RIMKLB: variants seen among roughly 807,000 people sequenced by gnomAD.
The protein encoded by RIMKLB is ribosomal modification protein rimK like family member B, also known as beta-citrylglutamate synthase B.
A neutral mutation model predicts 32.0 loss-of-function variants in RIMKLB; 7 were observed. The ratio of observed to expected loss-of-function variants is 0.22; its 90% CI spans 0.12 to 0.41. RIMKLB has a LOEUF of 0.41. Among genes scored for constraint, RIMKLB ranks in the 10% least tolerant of loss-of-function variants. The pLI, the probability that RIMKLB is intolerant of heterozygous loss-of-function variation, is 1.00. For synonymous variants in RIMKLB, 172 were observed against 185.1 expected (o/e 0.93, Z 0.57); for missense variants, 289 against 498.7 (o/e 0.58, Z 4.00).
intron 5 of RIMKLB, among the ~76,000 whole-genome samples, chr12:8,764,344 G>A (rs1030164929): frequency 6.6e-6 from 1 of 152,130 alleles, no homozygotes; most frequent in Non-Finnish European, 1.5e-5. Context: ...GGTGTTCCTT[G>A]TCCTATATTC....
At chr12:8,742,462 T>TGGA (rs1184424041) in intron 2 of RIMKLB, 2 of 400,226 alleles carry the variant, frequency 5.0e-6, no homozygotes, top group Non-Finnish European at 9.8e-6. Context: ...AAAGAGCACA[T>TGGA]GGAGGAGGAG....
chr12:8,700,934 C>T (rs950737170), intron 1 of RIMKLB, among the ~76,000 whole-genome samples: 8 of 151,984 alleles, frequency 5.3e-5, no homozygotes, highest in Non-Finnish European at 7.4e-5. Flanking sequence ...GGCATGGTGA[C>T]GCACACCTGT....
chr12:8,772,847 T>C (rs1472262434), intron 5 of RIMKLB, among the ~76,000 whole-genome samples: 1 of 152,254 alleles, frequency 6.6e-6, no homozygotes, highest in African/African-American at 2.4e-5. Flanking sequence ...TCCAGCCAGC[T>C]ACCTTATAAC....
chr12:8,750,104 A>G lies in RIMKLB; in HGVS notation c.406+12A>G, dbSNP rs1948489665. The G allele has an allele frequency of 2.0e-6, 3 of 1,531,872 alleles. No homozygotes were observed. Among genetic ancestry groups the G allele is most frequent in the Middle Eastern group, 1.7e-4 (1 of 5,920 alleles). 94.9% of individuals were successfully genotyped at this position (1,531,872 alleles called of 1,614,324 possible). ...TACTTTCTCTTATGGTGAGCCTACTAAAGAGCATACATAGCCTGAATATTA... is the reference window on the plus strand; with the variant it reads ...TACTTTCTCTTATGGTGAGCCTACTGAAGAGCATACATAGCCTGAATATTA... On this transcript the variant is annotated intron_variant, in intron 3 of 5. Transcript: ENST00000535829.
intron 2 of RIMKLB, among the ~76,000 whole-genome samples, chr12:8,721,945 T>C (rs1328380274): frequency 6.6e-6 from 1 of 152,108 alleles, no homozygotes; most frequent in Non-Finnish European, 1.5e-5. Context: ...GGTTTTGCCA[T>C]GTTGGCCAGG....
chr12:8,753,084 T>A (rs916624502), intron 4 of RIMKLB, among the ~76,000 whole-genome samples: 1 of 152,178 alleles, frequency 6.6e-6, no homozygotes, highest in South Asian at 2.1e-4. Context: ...TATATCAGTC[T>A]GAGTACAGTG....
chr12:8,718,876 A>G (rs1257324317), intron 2 of RIMKLB, among the ~76,000 whole-genome samples: 1 of 152,156 alleles, frequency 6.6e-6, no homozygotes, highest in African/African-American at 2.4e-5. Flanking sequence ...ATGACACATC[A>G]TCATGCAAAG....
intron 2 of RIMKLB, among the ~76,000 whole-genome samples, chr12:8,737,856 A>G (rs1947157510): frequency 6.6e-6 from 1 of 152,196 alleles, no homozygotes; most frequent in East Asian, 1.9e-4. Flanking sequence ...CTGGGATTAC[A>G]GGCATGCGCC....
intron 5 of RIMKLB, among the ~76,000 whole-genome samples, chr12:8,763,740 T>C (rs1565416028): frequency 6.6e-6 from 1 of 152,314 alleles, no homozygotes; most frequent in East Asian, 1.9e-4. Flanking sequence ...AAAAGTAAAT[T>C]ATCCACGTAC....
the RIMKLB span, among the ~76,000 whole-genome samples, chr12:8,670,311 C>T: frequency 6.6e-6 from 1 of 152,140 alleles, no homozygotes; most frequent in East Asian, 1.9e-4. Flanking sequence ...GTCCCTTCCA[C>T]CTATGAGCCT....
downstream of RIMKLB, chr12:8,777,650 T>G: frequency 7.8e-7 from 1 of 1,289,282 alleles, no homozygotes; most frequent in African/African-American, 1.5e-5. Context: ...AGAAAAAACT[T>G]TCCTTCTTCC....
At chr12:8,756,684 C>CTTTT (rs145312687) in intron 5 of RIMKLB, among the ~76,000 whole-genome samples, 67 of 90,974 alleles carry the variant, frequency 7.4e-4, no homozygotes, top group African/African-American at 1.1e-3. Flanking sequence ...TTACTTTCTA[C>CTTTT]TTTTTTTTTT....
rs1321212323 is a variant in RIMKLB at position 8,748,648 on chromosome 12, TAAG to T, written c.176-1208_176-1206del. ...TTTTTTTTTTAATGAAAATAGGGTT[TAAG>T]AAGAAACTCGGGGCGGCCGTGGTGG... On this transcript the variant is annotated intron_variant, in intron 2 of 5. Transcript: ENST00000535829. 9.3e-5 allele frequency among the ~76,000 whole-genome samples: 14 copies of T among 151,126 alleles called. No individual in the cohort carries two copies. The East Asian group carries it at 1.9e-3, about 21-fold the overall frequency.
intron 2 of RIMKLB, among the ~76,000 whole-genome samples, chr12:8,748,519 C>CGTGTGTGT (rs58187682): frequency 0.037 from 4,913 of 131,210 alleles, 138 homozygotes; most frequent in African/African-American, 0.068. Flanking sequence ...TGGGATTATT[C>CGTGTGTGT]GTGTGTGTGT....
chr12:8,749,244 CTG>C (rs1283702535), intron 2 of RIMKLB, among the ~76,000 whole-genome samples: 3 of 147,164 alleles, frequency 2.0e-5, no homozygotes, highest in Admixed American at 2.0e-4. Flanking sequence ...TTGAGTCTCT[CTG>C]TGTCACCAGG....
chr12:8,676,373 C>T, the RIMKLB span, among the ~76,000 whole-genome samples: 1 of 144,220 alleles, frequency 6.9e-6, no homozygotes, highest in African/African-American at 2.6e-5. Flanking sequence ...TGTGCTCAAC[C>T]CCCAACAGCT....
chr12:8,747,423 G>A (rs1054455249), intron 2 of RIMKLB, among the ~76,000 whole-genome samples: 1 of 151,910 alleles, frequency 6.6e-6, no homozygotes, highest in Admixed American at 6.6e-5. Context: ...CCGGCTCATG[G>A]TTTATGCCTT....
the RIMKLB span, among the ~76,000 whole-genome samples, chr12:8,670,999 C>T: frequency 8.5e-5 from 13 of 152,330 alleles, no homozygotes; most frequent in African/African-American, 2.6e-4. Flanking sequence ...CTTTCAGCCA[C>T]GGCTGGAGTG....
At chr12:8,735,626 C>G (rs1301386701) in intron 2 of RIMKLB, among the ~76,000 whole-genome samples, 1 of 151,436 alleles carries the variant, frequency 6.6e-6, no homozygotes, top group African/African-American at 2.4e-5. Flanking sequence ...AGCTTTGGGT[C>G]AAAAATTTTA....
Sources: gnomAD v4.1 joint callset for allele counts (sites outside exome capture counted in the v4.1 genomes callset) on GRCh38, gnomAD v4.1.1 for gene constraint, MANE v1.5 for transcripts, NCBI Gene and HGNC (gene_info 2026-07-23, HGNC 2026-07-21) for gene names.